The following DLG2 variants were observed in gnomAD, a reference collection of about 807,000 sequenced individuals.
DLG2 encodes the protein discs large MAGUK scaffold protein 2.
In DLG2, 45 loss-of-function variants were observed where a neutral mutation model predicts 132.5. The observed-to-expected ratio is 0.34, with a 90% CI of 0.27 to 0.44. The LOEUF (loss-of-function observed/expected upper bound fraction) is 0.44, where lower values mean the gene tolerates loss of function less well. Among genes scored for constraint, DLG2 ranks in the 20% least tolerant of loss-of-function variants. The pLI, the probability that DLG2 is intolerant of heterozygous loss-of-function variation, is 1.00. For missense variants in DLG2, 1,045 were observed against 1,196.9 expected, an observed-to-expected ratio of 0.87 and a Z score of 1.87; for synonymous variants, 424 against 419.6, an observed-to-expected ratio of 1.01 and a Z score of -0.13.
Position 85,256,557 on chromosome 11 carries a change from C to T in DLG2, c.186+28663G>A, listed in dbSNP as rs543790966. On this transcript the variant is annotated intron_variant, in intron 4 of 27. Coordinates refer to ENST00000376104, the MANE Select transcript of DLG2 (RefSeq NM_001142699.3). ...ACACTGTAACACATACCCACTTGGG[C>T]TCCAGGAGTCGCAGGCACCCACCCC... Among the ~76,000 whole-genome samples the T allele has an allele frequency of 7.2e-5, 11 of 152,300 alleles. No homozygotes were observed. The East Asian group carries it at 1.4e-3, about 19-fold the overall frequency.
intron 6 of DLG2, among the ~76,000 whole-genome samples, chr11:84,912,649 A>G (rs761130278): frequency 2.0e-5 from 3 of 152,228 alleles, no homozygotes; most frequent in Non-Finnish European, 4.4e-5. Flanking sequence ...GTAAATGGAG[A>G]TGACGGATTT....
chr11:83,977,264 C>A (rs541999695), intron 12 of DLG2, among the ~76,000 whole-genome samples: 2 of 151,930 alleles, frequency 1.3e-5, no homozygotes, highest in African/African-American at 4.8e-5. Context: ...TTTGTGCACC[C>A]AAGAAATGTA....
At chr11:85,160,189 C>T (rs145683688) in intron 4 of DLG2, among the ~76,000 whole-genome samples, 27 of 152,252 alleles carry the variant, frequency 1.8e-4, no homozygotes, top group African/African-American at 5.1e-4. Flanking sequence ...CATTTAGGTG[C>T]GTTACTCCCG....
chr11:84,662,201 T>C (rs1049925217), intron 6 of DLG2, among the ~76,000 whole-genome samples: 58 of 150,902 alleles, frequency 3.8e-4, no homozygotes, highest in Admixed American at 3.0e-3. Context: ...TTTTTTTTTT[T>C]TTTTTTTTGA....
chr11:85,623,424 C>T (rs1437015914), intron 2 of DLG2, among the ~76,000 whole-genome samples: 4 of 152,072 alleles, frequency 2.6e-5, no homozygotes, highest in Non-Finnish European at 5.9e-5. Flanking sequence ...CCTGCGTCAG[C>T]CTCCCAAGTA....
chr11:85,041,570 C>G (rs1171597396), intron 6 of DLG2, among the ~76,000 whole-genome samples: 1 of 151,832 alleles, frequency 6.6e-6, no homozygotes, highest in Non-Finnish European at 1.5e-5. Flanking sequence ...CTATGGGCTT[C>G]CACATAGAAA....
intron 18 of DLG2, among the ~76,000 whole-genome samples, chr11:83,697,664 C>T (rs968474698): frequency 2.0e-5 from 3 of 152,074 alleles, no homozygotes; most frequent in Non-Finnish European, 2.9e-5. Flanking sequence ...GTTATGTCTT[C>T]GGGGCATGGC....
intron 7 of DLG2, among the ~76,000 whole-genome samples, chr11:84,483,934 A>C (rs1232814505): frequency 3.3e-5 from 5 of 152,200 alleles, no homozygotes; most frequent in African/African-American, 1.2e-4. Flanking sequence ...AGTGCATGTC[A>C]TAGCTCTATT....
intron 6 of DLG2, among the ~76,000 whole-genome samples, chr11:84,552,529 C>T (rs1371192260): frequency 6.6e-6 from 1 of 151,854 alleles, no homozygotes; most frequent in Non-Finnish European, 1.5e-5. Flanking sequence ...CTCCATCAGT[C>T]ATCTACACCT....
chr11:83,621,746 A>G (rs1197923392), intron 19 of DLG2, among the ~76,000 whole-genome samples: 1 of 152,122 alleles, frequency 6.6e-6, no homozygotes, highest in Non-Finnish European at 1.5e-5. Flanking sequence ...TGTGTTTCTT[A>G]CCTCTACTAT....
intron 3 of DLG2, among the ~76,000 whole-genome samples, chr11:85,322,211 C>A (rs557766236): frequency 6.6e-6 from 1 of 152,160 alleles, no homozygotes; most frequent in African/African-American, 2.4e-5. Context: ...GTACTGATTC[C>A]TCTACATCAC....
intron 7 of DLG2, among the ~76,000 whole-genome samples, chr11:84,362,882 GC>G (rs2098658408): frequency 6.6e-6 from 1 of 152,072 alleles, no homozygotes; most frequent in Admixed American, 6.6e-5. Context: ...GTGTATATGT[GC>G]CATATTTTCT....
intron 21 of DLG2, among the ~76,000 whole-genome samples, chr11:83,496,773 T>A (rs1489169177): frequency 6.6e-6 from 1 of 152,128 alleles, no homozygotes; most frequent in Non-Finnish European, 1.5e-5. Flanking sequence ...GTGGAAGAGT[T>A]AGGAAGGATG....
At chr11:84,020,794 C>G (rs778469325) in intron 11 of DLG2, among the ~76,000 whole-genome samples, 2 of 152,134 alleles carry the variant, frequency 1.3e-5, no homozygotes, top group African/African-American at 4.8e-5. Flanking sequence ...ATACAAAGCC[C>G]GTAAATTAGA....
chr11:84,300,059 T>A (rs2098135268), intron 7 of DLG2, among the ~76,000 whole-genome samples: 1 of 152,114 alleles, frequency 6.6e-6, no homozygotes, highest in East Asian at 1.9e-4. Context: ...GGAGGCTGCC[T>A]ACATTTTAAG....
chr11:85,280,112 CATATAT>C (rs773902309), intron 4 of DLG2, among the ~76,000 whole-genome samples: 1 of 151,664 alleles, frequency 6.6e-6, no homozygotes, highest in African/African-American at 2.4e-5. Flanking sequence ...TTTTTCAAAG[CATATAT>C]ATATATCCTT....
intron 16 of DLG2, among the ~76,000 whole-genome samples, chr11:83,837,622 T>C (rs1182447693): frequency 6.7e-6 from 1 of 150,214 alleles, no homozygotes; most frequent in African/African-American, 2.5e-5. Context: ...CCCAGTCATT[T>C]ATCTAAAGGG....
intron 3 of DLG2, among the ~76,000 whole-genome samples, chr11:85,359,802 G>C (rs765494054): frequency 6.6e-6 from 1 of 152,140 alleles, no homozygotes; most frequent in Non-Finnish European, 1.5e-5. Context: ...GAGTACTACA[G>C]AGGAGTAGAA....
intron 6 of DLG2, among the ~76,000 whole-genome samples, chr11:84,610,749 C>T (rs554299415): frequency 6.6e-6 from 1 of 152,186 alleles, no homozygotes; most frequent in Non-Finnish European, 1.5e-5. Flanking sequence ...AGAGGTGACC[C>T]AACCCAAGGG....
Sources: allele counts gnomAD v4.1 joint callset (sites outside exome capture counted in the v4.1 genomes callset), GRCh38; gene constraint gnomAD v4.1.1; transcripts MANE v1.5; gene names NCBI Gene and HGNC (gene_info 2026-07-23, HGNC 2026-07-21).